RNASEH2B: variants seen among roughly 807,000 people sequenced by gnomAD.
RNASEH2B encodes the protein ribonuclease H2 subunit B, also known as Aicardi-Goutieres syndrome 2 protein.
A neutral mutation model predicts 45.0 loss-of-function variants in RNASEH2B; 36 were observed. That is an observed-to-expected ratio of 0.80 (90% CI 0.61 to 1.06). The LOEUF (loss-of-function observed/expected upper bound fraction) is 1.06. Ranked by LOEUF, RNASEH2B falls within the 50% of genes least tolerant of loss-of-function variation. RNASEH2B has a pLI of 0.00. For synonymous variants in RNASEH2B, 119 were observed against 125.7 expected (o/e 0.95, Z 0.35); for missense variants, 361 against 360.3 (o/e 1.00, Z -0.02).
intron 1 of RNASEH2B, chr13:50,915,253 C>A: frequency 2.5e-6 from 1 of 396,018 alleles, no homozygotes; most frequent in Non-Finnish European, 4.4e-6. Context: ...TACTTCTATC[C>A]AAATTCTACC....
At chr13:50,929,069 C>G (rs1158812378) in intron 2 of RNASEH2B, among the ~76,000 whole-genome samples, 1 of 151,730 alleles carries the variant, frequency 6.6e-6, no homozygotes, top group Non-Finnish European at 1.5e-5. Context: ...TGGCTTGGTC[C>G]CTGTCAGACC....
chr13:50,970,009 C>T lies in RNASEH2B; in HGVS notation c.*45C>T, dbSNP rs1247630495. The T allele has an allele frequency of 2.0e-6, 3 of 1,532,854 alleles. No homozygotes were observed. In the Admixed American group the frequency reaches 5.9e-5, roughly 30 times the overall value. The allele number at this position is 1,532,854 out of a possible 1,614,324, so 95.0% of individuals were successfully genotyped here. ...GGCTTGGCGGTTTTCCCTGCAACTT[C>T]AGACACTCCCAGAGGACTCGGACTT... On this transcript the variant is annotated 3_prime_UTR_variant, in exon 10 of 10. Coordinates refer to the RNASEH2B transcript ENST00000422660.
chr13:50,945,397 C>T, intron 6 of RNASEH2B, 30 bp from the exon 7 acceptor site: 3 of 1,473,524 alleles, frequency 2.0e-6, no homozygotes, highest in South Asian at 2.3e-5. Flanking sequence ...TTGAAAATAC[C>T]CTGCCTTTCC....
chr13:50,945,294 G>A (rs1013262607), intron 6 of RNASEH2B, 133 bp from the exon 7 acceptor site: 2 of 684,130 alleles, frequency 2.9e-6, no homozygotes, highest in African/African-American at 3.6e-5. Flanking sequence ...TCTGGTGTCT[G>A]GTGAAGATAC....
intron 2 of RNASEH2B, among the ~76,000 whole-genome samples, chr13:50,927,975 T>C (rs1181460317): frequency 6.6e-6 from 1 of 151,950 alleles, no homozygotes; most frequent in Non-Finnish European, 1.5e-5. Flanking sequence ...AGTACTTTTT[T>C]TCTCCGTCAG....
At chr13:50,961,793 G>A (rs1422447841) in intron 9 of RNASEH2B, among the ~76,000 whole-genome samples, 1 of 151,968 alleles carries the variant, frequency 6.6e-6, no homozygotes, top group Middle Eastern at 3.2e-3. Flanking sequence ...ATCTATCCAT[G>A]TATCTATCAG....
chr13:50,949,532 TG>T, intron 9 of RNASEH2B, 27 bp downstream of exon 9: 1 of 1,602,530 alleles, frequency 6.2e-7, no homozygotes, highest in African/African-American at 1.3e-5. Context: ...AAGATATCTT[TG>T]GGGGACTTAG....
intron 5 of RNASEH2B, 177 bp from the exon 6 acceptor site, chr13:50,943,144 C>G: frequency 3.5e-6 from 2 of 578,898 alleles, no homozygotes; most frequent in Non-Finnish European, 6.2e-6. Context: ...CTGAGGTAGC[C>G]ACATTACTAC....
rs546345797 is a variant in RNASEH2B, at chr13:50,943,243, G to C, written c.437-78G>C. 89 of 831,134 alleles carry C rather than the reference G, an allele frequency of 1.1e-4. No homozygotes were observed. In the African/African-American group the frequency reaches 1.4e-3, roughly 13 times the overall value. The allele number at this position is 831,134 out of a possible 1,614,324, so 51.5% of individuals were successfully genotyped here. ...AAACTTACAAAATATTCTTTAAATG[G>C]TTAACTTGTATATGATACAACCTTA... On this transcript the variant is annotated intron_variant, in intron 5 of 10. Coordinates refer to ENST00000336617, the MANE Select transcript of RNASEH2B (RefSeq NM_024570.4).
At chr13:50,910,236 T>G in intron 1 of RNASEH2B, 96 bp downstream of exon 1, 8 of 815,656 alleles carry the variant, frequency 9.8e-6, no homozygotes, top group East Asian at 3.4e-5. Context: ...TGGCTCCCAC[T>G]ACCCGGCCCG....
In RNASEH2B at chr13:50,927,426, AAAG is replaced by A. The variant is rs776706264; in HGVS notation, c.89_91del (p.Lys30del). On this transcript the variant is annotated inframe_deletion, in exon 2 of 11. Transcript: ENST00000336617. ...TTTCAGAATATTTAAAAGATGCTTCAAAGAAGATGAAAAATGGGCTAATGTTTG... is the reference window on the plus strand; with the variant it reads ...TTTCAGAATATTTAAAAGATGCTTCAAAGATGAAAAATGGGCTAATGTTTG... The A allele has an allele frequency of 9.0e-5, 144 of 1,596,384 alleles. No individual in the cohort carries two copies. The highest frequency in any genetic ancestry group is 1.2e-4 in the Non-Finnish European group (136 of 1,164,206).
chr13:50,910,551 C>T lies in RNASEH2B; in HGVS notation c.64+411C>T, dbSNP rs146356226. On this transcript the variant is annotated intron_variant, in intron 1 of 10. Coordinates refer to ENST00000336617, the MANE Select transcript of RNASEH2B (RefSeq NM_024570.4). ...AGGGATCCAGTAGGCTCGAAGTGGC[C>T]TCAGACGGTGCGCAGTTTTAAGAAA... is the stretch of plus-strand genomic sequence containing the variant. The T allele has an allele frequency of 3.2e-3, 532 of 164,488 alleles. 4 individuals carry two copies. The highest frequency in any genetic ancestry group is 0.011 in the African/African-American group (463 of 41,956). The allele number at this position is 164,488 out of a possible 1,614,324, so 10.2% of individuals were successfully genotyped here.
intron 4 of RNASEH2B, among the ~76,000 whole-genome samples, chr13:50,931,187 A>C (rs1356380858): frequency 6.6e-6 from 1 of 152,232 alleles, no homozygotes; most frequent in East Asian, 1.9e-4. Context: ...ATAGAAGCTC[A>C]TTAATGGTGA....
intron 5 of RNASEH2B, chr13:50,936,727 A>G (rs1231817751): frequency 1.3e-5 from 2 of 152,232 alleles, no homozygotes; most frequent in African/African-American, 4.8e-5. Flanking sequence ...GAATTCTGCT[A>G]TTAGCTGTAT....
At chr13:50,958,807 G>T (rs1163733972), downstream of RNASEH2B, among the ~76,000 whole-genome samples, 1 of 152,090 alleles carries the variant, frequency 6.6e-6, no homozygotes, top group East Asian at 1.9e-4. Context: ...TTCACTATTT[G>T]AAGAATCAGA....
chr13:50,945,956 T>C (rs550794948), intron 7 of RNASEH2B, among the ~76,000 whole-genome samples: 2 of 152,322 alleles, frequency 1.3e-5, no homozygotes, highest in Admixed American at 6.5e-5. Context: ...CTTATGGAGC[T>C]TGTCTCTGAA....
intron 9 of RNASEH2B, chr13:50,953,645 G>A (rs1952004053): frequency 1.9e-6 from 1 of 513,330 alleles, no homozygotes; most frequent in Non-Finnish European, 3.5e-6. Flanking sequence ...GTGTTTGCTG[G>A]ACCAGCTAAG....
Position 50,956,501 on chromosome 13 carries a change from A to G in RNASEH2B, c.*27A>G. On this transcript the variant is annotated 3_prime_UTR_variant, in exon 11 of 11. Transcript: ENST00000336617. The stretch of plus-strand genomic sequence containing the variant: ...ACTTTGAAAATAAAATCTAGCAAAA[A>G]TATTTGCTTTTTACATGTTTCAGTT... 6.3e-7 allele frequency: 1 copy of G among 1,583,154 alleles called. No homozygotes were observed. The highest frequency in any genetic ancestry group is 8.6e-7 in the Non-Finnish European group (1 of 1,161,016).
At chr13:50,929,384 C>T (rs533448634) in intron 2 of RNASEH2B, 91 bp from the exon 3 acceptor site, 10 of 798,774 alleles carry the variant, frequency 1.3e-5, no homozygotes, top group Admixed American at 1.2e-4. Context: ...TAGGAACATT[C>T]GTCAGAGATA....
Sources: gnomAD v4.1 joint callset for allele counts (sites outside exome capture counted in the v4.1 genomes callset) on GRCh38, gnomAD v4.1.1 for gene constraint, MANE v1.5 for transcripts, NCBI Gene and HGNC (gene_info 2026-07-23, HGNC 2026-07-21) for gene names.